SEL1L3: variants seen among roughly 807,000 people sequenced by gnomAD.
SEL1L3 encodes protein sel-1 homolog 3.
A neutral mutation model predicts 142.8 loss-of-function variants in SEL1L3; 76 were observed. The ratio of observed to expected loss-of-function variants is 0.53; its 90% CI spans 0.44 to 0.64. The LOEUF is 0.64. Ranked by LOEUF, SEL1L3 falls within the 30% of genes least tolerant of loss-of-function variation. SEL1L3 has a pLI of 0.00. For missense variants in SEL1L3, 1,262 were observed against 1,381.7 expected, an observed-to-expected ratio of 0.91 and a Z score of 1.37; for synonymous variants, 504 against 519.6, an observed-to-expected ratio of 0.97 and a Z score of 0.41.
At position 25,833,042 on chromosome 4, in the gene SEL1L3, G is replaced by T; in HGVS notation, c.1051C>A (p.Pro351Thr). 6.2e-7 allele frequency: 1 copy of T among 1,612,622 alleles called. No individual in the cohort carries two copies. Among genetic ancestry groups the T allele is most frequent in the Non-Finnish European group, 8.5e-7 (1 of 1,178,754 alleles). The change falls in exon 5 of 24, where the codon CCT (proline) becomes ACT (threonine). Residue 351 changes from proline to threonine, a missense_variant. Coordinates refer to ENST00000399878, the MANE Select transcript of SEL1L3 (RefSeq NM_015187.5). Reference protein sequence around the residue: ...DLAVKTKFIIPLKEWFRLDIS... With the variant: ...DLAVKTKFIITLKEWFRLDIS... ...TCCAGTCGAAACCACTCCTTCAAAG[G>T]TATGATGAATTTAGTTTTTACAGCA...
At chr4:25,816,351 T>C (rs1457745729) in intron 9 of SEL1L3, among the ~76,000 whole-genome samples, 1 of 152,000 alleles carries the variant, frequency 6.6e-6, no homozygotes, top group Non-Finnish European at 1.5e-5. Flanking sequence ...ACACAGCTAG[T>C]GAGTGTTAAA....
Position 25,847,579 on chromosome 4 carries a change from A to G in SEL1L3, c.448T>C (p.Phe150Leu). ...TCTCTGTAAACCATAATGCTTGGAA[A>G]TTTCACATGTACTATTTGTGTCCTG... Reference protein sequence around the residue: ...TSRTQIVHVKFPSIMVYRDDY... With the variant: ...TSRTQIVHVKLPSIMVYRDDY... Residue 150 changes from phenylalanine to leucine, a missense_variant, in exon 2 of 24, where the codon TTT (phenylalanine) becomes CTT (leucine). Coordinates refer to ENST00000399878, the MANE Select transcript of SEL1L3 (RefSeq NM_015187.5). 6.2e-7 allele frequency: 1 copy of G among 1,613,996 alleles called. No individual in the cohort carries two copies. Among genetic ancestry groups the G allele is most frequent in the Non-Finnish European group, 8.5e-7 (1 of 1,179,882 alleles).
chr4:25,844,789 A>G (rs1716402213), intron 2 of SEL1L3, among the ~76,000 whole-genome samples: 1 of 152,208 alleles, frequency 6.6e-6, no homozygotes, highest in South Asian at 2.1e-4. Flanking sequence ...GCCCTGTGGA[A>G]GGTATTCCAG....
At position 25,788,501 on chromosome 4, in the gene SEL1L3, A is replaced by G. The variant is rs911721038; in HGVS notation, c.2077-137T>C. Reference sequence around the variant, plus strand: ...AGGATTAGATACACTTTATCTTCCAACTGGAGGCCAGAGCCCTGAATGTGG... The same window carrying G: ...AGGATTAGATACACTTTATCTTCCAGCTGGAGGCCAGAGCCCTGAATGTGG... On this transcript the variant is annotated intron_variant, in intron 12 of 23. Coordinates refer to ENST00000399878, the MANE Select transcript of SEL1L3 (RefSeq NM_015187.5). The surrounding 1 kb of genome is among the most constrained non-coding windows in gnomAD (Gnocchi z 5.3). 1.1e-6 allele frequency: 1 copy of G among 901,500 alleles called. No individual in the cohort carries two copies. The allele number at this position is 901,500 out of a possible 1,614,324, so 55.8% of individuals were successfully genotyped here. A position where few individuals can be genotyped will look rare whatever the true frequency, so the allele number is the denominator to read the frequency against.
At chr4:25,745,205 G>A (rs1717222842), downstream of SEL1L3, among the ~76,000 whole-genome samples, 1 of 152,038 alleles carries the variant, frequency 6.6e-6, no homozygotes, top group Non-Finnish European at 1.5e-5. Flanking sequence ...GCCCAGCTTA[G>A]CCAACATGGC....
chr4:25,839,088 C>A (rs1272210131), intron 2 of SEL1L3, among the ~76,000 whole-genome samples: 1 of 152,160 alleles, frequency 6.6e-6, no homozygotes, highest in Non-Finnish European at 1.5e-5. Context: ...GATTTCTCAA[C>A]CTGGAGAAAT....
chr4:25,855,542 G>A (rs1319526941), intron 1 of SEL1L3, among the ~76,000 whole-genome samples: 1 of 152,158 alleles, frequency 6.6e-6, no homozygotes, highest in South Asian at 2.1e-4. Context: ...GATCACCTGA[G>A]GTCAGGAGTT....
chr4:25,727,103 A>G, the SEL1L3 span, among the ~76,000 whole-genome samples: 1 of 149,980 alleles, frequency 6.7e-6, no homozygotes, highest in African/African-American at 2.5e-5. Context: ...CCCAGGCTGG[A>G]GTGCAATGGT....
At chr4:25,727,179 A>C in the SEL1L3 span, among the ~76,000 whole-genome samples, 1 of 151,904 alleles carries the variant, frequency 6.6e-6, no homozygotes, top group East Asian at 1.9e-4. Context: ...CAGCCTCCGA[A>C]GTAGCTGGGA....
chr4:25,723,960 G>C, the SEL1L3 span, among the ~76,000 whole-genome samples: 10 of 152,292 alleles, frequency 6.6e-5, no homozygotes, highest in South Asian at 2.1e-3. Flanking sequence ...GCAAGGTTCT[G>C]ACTTACAGCA....
At chr4:25,749,805 T>G (rs1226294369) in intron 23 of SEL1L3, among the ~76,000 whole-genome samples, 1 of 152,250 alleles carries the variant, frequency 6.6e-6, no homozygotes, top group East Asian at 1.9e-4. Context: ...AGTCATTGCT[T>G]GTTTTTGTAC....
intron 14 of SEL1L3, among the ~76,000 whole-genome samples, chr4:25,782,682 C>T (rs1374988789): frequency 1.3e-5 from 2 of 152,166 alleles, no homozygotes; most frequent in African/African-American, 4.8e-5. Context: ...CATTGTTCTG[C>T]TCCTTTGGGC....
At chr4:25,773,651 T>G (rs1719395636) in intron 17 of SEL1L3, 1 of 152,114 alleles carries the variant, frequency 6.6e-6, no homozygotes, top group Non-Finnish European at 1.5e-5. Flanking sequence ...GATCAATGCC[T>G]CCCCACTGCT....
intron 19 of SEL1L3, among the ~76,000 whole-genome samples, chr4:25,766,919 G>A (rs562037112): frequency 2.0e-5 from 3 of 152,306 alleles, no homozygotes; most frequent in African/African-American, 4.8e-5. Flanking sequence ...GCAGAGCAGC[G>A]TAGAGGAATC....
chr4:25,716,788 A>G, the SEL1L3 span, among the ~76,000 whole-genome samples: 59 of 152,310 alleles, frequency 3.9e-4, no homozygotes, highest in African/African-American at 1.3e-3. Context: ...GCTAATCTAC[A>G]TATGTAGTAA....
rs186225929 is a variant in SEL1L3, at chr4:25,748,359, C to G, written c.*66G>C. 1 of 1,492,654 alleles carries G rather than the reference C, an allele frequency of 6.7e-7. No individual in the cohort carries two copies. The highest frequency in any genetic ancestry group is 2.5e-5 in the East Asian group (1 of 40,752). 92.5% of individuals were successfully genotyped at this position (1,492,654 alleles called of 1,614,324 possible). ...GTGTTTATCAGGATCATGCCCTGGC[C>G]CCAGCTTCCCAATACCAGCTGTTGA... is the stretch of plus-strand genomic sequence containing the variant. On this transcript the variant is annotated 3_prime_UTR_variant, in exon 24 of 24. Transcript: ENST00000399878.
At chr4:25,833,161 G>A in intron 4 of SEL1L3, 51 bp from the exon 5 acceptor site, 1 of 1,032,274 alleles carries the variant, frequency 9.7e-7, no homozygotes, top group South Asian at 1.3e-5. Flanking sequence ...ATCTACGAGT[G>A]AATGAAGTAG....
the SEL1L3 span, among the ~76,000 whole-genome samples, chr4:25,728,233 A>T: frequency 6.6e-6 from 1 of 152,166 alleles, no homozygotes; most frequent in Non-Finnish European, 1.5e-5. Flanking sequence ...TCAGATGGCC[A>T]CTTTCAGTTT....
intron 20 of SEL1L3, among the ~76,000 whole-genome samples, chr4:25,764,923 T>TGTAGTTACAAAGTTCA (rs1250298487): frequency 3.9e-5 from 6 of 152,172 alleles, no homozygotes; most frequent in Non-Finnish European, 2.9e-5. Context: ...TTGTAAACTG[T>TGTAGTTACAAAGTTCA]GTAGTGTATA....
Sources: gnomAD v4.1 joint callset for allele counts (sites outside exome capture counted in the v4.1 genomes callset) on GRCh38, gnomAD v4.1.1 for gene constraint, Gnocchi (gnomAD v3.1) non-coding constraint, MANE v1.5 for transcripts, NCBI Gene and HGNC (gene_info 2026-07-23, HGNC 2026-07-21) for gene names.